The following ZSWIM5 variants were observed in gnomAD, a reference collection of about 807,000 sequenced individuals.
The protein encoded by ZSWIM5 is zinc finger SWIM-type containing 5.
In ZSWIM5, 55 loss-of-function variants were observed where a neutral mutation model predicts 119.6. The ratio of observed to expected loss-of-function variants is 0.46; its 90% CI spans 0.37 to 0.58. The LOEUF is 0.58. ZSWIM5 is among the 20% of genes least tolerant of loss of function. The pLI is 0.00. For missense variants in ZSWIM5, 1,193 were observed against 1,512.8 expected (o/e 0.79, Z 3.51); for synonymous variants, 537 against 606.9 (o/e 0.88, Z 1.69).
chr1:45,079,281 C>A (rs1264098674), intron 2 of ZSWIM5, among the ~76,000 whole-genome samples: 2 of 152,202 alleles, frequency 1.3e-5, no homozygotes, highest in Admixed American at 6.5e-5. Context: ...CCCGCCTGCA[C>A]CCAGGTGAAA....
In ZSWIM5 at chr1:45,206,403, G is replaced by A; in HGVS notation, c.-53C>T. 1 of 1,341,716 alleles carries A rather than the reference G, an allele frequency of 7.5e-7. No individual in the cohort carries two copies. Among genetic ancestry groups the A allele is most frequent in the East Asian group, 3.1e-5 (1 of 32,122 alleles). 83.1% of individuals were successfully genotyped at this position (1,341,716 alleles called of 1,614,324 possible). On this transcript the variant is annotated 5_prime_UTR_variant, in exon 1 of 14. Transcript: ENST00000359600. ...CGGCGGCGGCTGCTCGGGCTGCGGCGGAGACCCTGGCCACGGCCACGCGCC... is the reference window on the plus strand; with the variant it reads ...CGGCGGCGGCTGCTCGGGCTGCGGCAGAGACCCTGGCCACGGCCACGCGCC...
At chr1:45,166,346 AC>A (rs1645903158) in intron 1 of ZSWIM5, among the ~76,000 whole-genome samples, 1 of 151,996 alleles carries the variant, frequency 6.6e-6, no homozygotes, top group Non-Finnish European at 1.5e-5. Flanking sequence ...TTATGACAAA[AC>A]CCACAACCAA....
chr1:45,104,805 G>A (rs1257717043), intron 1 of ZSWIM5, among the ~76,000 whole-genome samples: 1 of 152,060 alleles, frequency 6.6e-6, no homozygotes, highest in Admixed American at 6.5e-5. Context: ...ATTAACCTCC[G>A]AAGAACAGCC....
intron 11 of ZSWIM5, among the ~76,000 whole-genome samples, chr1:45,027,429 G>A (rs890820039): frequency 4.6e-5 from 7 of 151,452 alleles, no homozygotes; most frequent in Non-Finnish European, 7.4e-5. Flanking sequence ...GCAGAGTCTC[G>A]CTCTGTCGCC....
chr1:45,044,311 G>A (rs1427936672), intron 5 of ZSWIM5, among the ~76,000 whole-genome samples: 2 of 152,026 alleles, frequency 1.3e-5, no homozygotes, highest in Admixed American at 6.6e-5. Flanking sequence ...GATGAGGCCA[G>A]GTGTGATGAC....
chr1:45,038,079 A>G (rs1452413257), intron 8 of ZSWIM5, among the ~76,000 whole-genome samples: 1 of 152,242 alleles, frequency 6.6e-6, no homozygotes, highest in African/African-American at 2.4e-5. Context: ...TAAAGTAGAT[A>G]TATGTATACA....
intron 5 of ZSWIM5, among the ~76,000 whole-genome samples, chr1:45,048,640 C>T (rs1645071360): frequency 6.6e-6 from 1 of 151,992 alleles, no homozygotes; most frequent in Admixed American, 6.6e-5. Context: ...ATGGTGGTAA[C>T]TGGTGATGCA....
Position 45,118,843 on chromosome 1 carries a change from G to T in ZSWIM5, c.596-30606C>A, listed in dbSNP as rs368944409. ...TGAGCACTACTATGTACTAGACACT[G>T]TTTTAGGTACTGAAAACACAGTAGT... is the stretch of plus-strand genomic sequence containing the variant. On this transcript the variant is annotated intron_variant, in intron 1 of 13. Coordinates refer to ENST00000359600, the MANE Select transcript of ZSWIM5 (RefSeq NM_020883.2). 1.8e-4 allele frequency among the ~76,000 whole-genome samples: 27 copies of T among 152,094 alleles called. No individual in the cohort carries two copies. The East Asian group carries it at 1.9e-3, about 11-fold the overall frequency.
chr1:45,039,569 G>C (rs771991070), intron 7 of ZSWIM5, among the ~76,000 whole-genome samples: 2 of 151,872 alleles, frequency 1.3e-5, no homozygotes, highest in Non-Finnish European at 2.9e-5. Context: ...ATTTTTGATA[G>C]AACTGGGGTT....
intron 1 of ZSWIM5, among the ~76,000 whole-genome samples, chr1:45,184,851 T>G (rs1016196223): frequency 6.6e-6 from 1 of 151,842 alleles, no homozygotes; most frequent in East Asian, 1.9e-4. Flanking sequence ...TTCAATGCCA[T>G]CCCCATCAAG....
At chr1:45,127,196 A>G (rs996823429) in intron 1 of ZSWIM5, among the ~76,000 whole-genome samples, 9 of 152,324 alleles carry the variant, frequency 5.9e-5, no homozygotes, top group Non-Finnish European at 1.0e-4. Flanking sequence ...CAGGGCTGCA[A>G]AGCTGATATA....
At chr1:45,028,681 C>T (rs879443037) in intron 11 of ZSWIM5, among the ~76,000 whole-genome samples, 16 of 151,864 alleles carry the variant, frequency 1.1e-4, no homozygotes, top group Admixed American at 2.0e-4. Context: ...ATTTGAACTC[C>T]GGGCACAGGG....
intron 11 of ZSWIM5, among the ~76,000 whole-genome samples, chr1:45,033,944 G>C (rs1227081860): frequency 2.0e-5 from 3 of 151,494 alleles, no homozygotes; most frequent in Admixed American, 6.6e-5. Flanking sequence ...CTCACTGCAA[G>C]CTCTGCCTCA....
chr1:45,033,861 C>G (rs1324838578), intron 11 of ZSWIM5, among the ~76,000 whole-genome samples: 1 of 150,770 alleles, frequency 6.6e-6, no homozygotes, highest in Non-Finnish European at 1.5e-5. Context: ...GGCTTGGATC[C>G]AGGTGCTTTT....
intron 11 of ZSWIM5, among the ~76,000 whole-genome samples, chr1:45,027,074 T>C (rs75331489): frequency 0.015 from 2,234 of 151,994 alleles, 65 homozygotes; most frequent in African/African-American, 0.052. Flanking sequence ...CCCTCTTTCA[T>C]TTATGATATG....
chr1:45,067,063 G>C (rs1386388404), intron 2 of ZSWIM5, among the ~76,000 whole-genome samples: 1 of 152,084 alleles, frequency 6.6e-6, no homozygotes, highest in Non-Finnish European at 1.5e-5. Flanking sequence ...ATCACATTTG[G>C]GTATGTTGAT....
At chr1:45,120,293 G>A (rs1226670) in intron 1 of ZSWIM5, among the ~76,000 whole-genome samples, 24,854 of 152,114 alleles carry the variant, frequency 0.16, 2,110 homozygotes, top group African/African-American at 0.19. Flanking sequence ...GCAGTGAGCC[G>A]CCACCACACT....
At chr1:45,042,997 A>T (rs1645025241) in intron 6 of ZSWIM5, among the ~76,000 whole-genome samples, 1 of 152,212 alleles carries the variant, frequency 6.6e-6, no homozygotes, top group Non-Finnish European at 1.5e-5. Context: ...CAAAACTTAG[A>T]GGACAGGATG....
chr1:45,197,620 A>T (rs1466471641), intron 1 of ZSWIM5, among the ~76,000 whole-genome samples: 1 of 152,226 alleles, frequency 6.6e-6, no homozygotes, highest in African/African-American at 2.4e-5. Flanking sequence ...TTCAAGTACA[A>T]GTCTTTATGT....
Sources: allele counts gnomAD v4.1 joint callset (sites outside exome capture counted in the v4.1 genomes callset), GRCh38; gene constraint gnomAD v4.1.1; transcripts MANE v1.5; gene names NCBI Gene and HGNC (gene_info 2026-07-23, HGNC 2026-07-21).